The following SCN3A variants were observed in gnomAD, a reference collection of about 807,000 sequenced individuals.
The protein encoded by SCN3A is sodium channel protein type 3 subunit alpha.
A neutral mutation model predicts 187.6 loss-of-function variants in SCN3A; 60 were observed. That is an observed-to-expected ratio of 0.32 (90% CI 0.26 to 0.40). The LOEUF (loss-of-function observed/expected upper bound fraction) is 0.40. SCN3A is among the 10% of genes least tolerant of loss of function. The probability of loss-of-function intolerance (pLI) is 1.00; values close to 1 mark genes in which losing one functional copy is unlikely to be tolerated. For missense variants in SCN3A, 1,601 were observed against 2,428.2 expected (o/e 0.66, Z 7.16); for synonymous variants, 788 against 829.2 (o/e 0.95, Z 0.85).
At chr2:165,098,868 C>T (rs1574104062) in intron 22 of SCN3A, among the ~76,000 whole-genome samples, 2 of 152,258 alleles carry the variant, frequency 1.3e-5, no homozygotes, top group East Asian at 3.9e-4. Context: ...CAGTTGCTAT[C>T]TCCCCTCATA....
At chr2:165,158,190 C>T (rs1359825098) in intron 9 of SCN3A, among the ~76,000 whole-genome samples, 1 of 140,360 alleles carries the variant, frequency 7.1e-6, no homozygotes, top group Non-Finnish European at 1.5e-5. Context: ...ACAGTGGTTT[C>T]AGGATTGTTA....
At chr2:165,162,530 G>C in intron 8 of SCN3A, 26 bp downstream of exon 8, 1 of 1,613,540 alleles carries the variant, frequency 6.2e-7, no homozygotes, top group Non-Finnish European at 8.5e-7. Context: ...GCAACACTAA[G>C]GTTAACATAA....
At position 165,184,500 on chromosome 2, in the gene SCN3A, GAAA is replaced by G. The variant is rs66514310; in HGVS notation, c.-51+2048_-51+2050del. Among the ~76,000 whole-genome samples the G allele has an allele frequency of 6.2e-4, 65 of 105,606 alleles. 1 individual carries two copies. The highest frequency in any genetic ancestry group is 1.9e-3 in the African/African-American group (57 of 30,160). 69.3% of individuals were successfully genotyped at this position (105,606 alleles called of 152,430 possible). On this transcript the variant is annotated intron_variant, in intron 2 of 27. Transcript: ENST00000283254. ...CTAGTTCAGAAAAAAAAAAAAAAAA[GAAA>G]AAAAAAAAAAAGCCTAGGTACCTAA...
chr2:165,109,086 C>G (rs936423624), intron 21 of SCN3A, among the ~76,000 whole-genome samples: 25 of 152,156 alleles, frequency 1.6e-4, no homozygotes, highest in African/African-American at 4.8e-5. Context: ...GATCACCTCT[C>G]CTTTGGAAAA....
At chr2:165,182,680 G>C (rs1165906537) in intron 2 of SCN3A, among the ~76,000 whole-genome samples, 1 of 152,132 alleles carries the variant, frequency 6.6e-6, no homozygotes, top group Non-Finnish European at 1.5e-5. Flanking sequence ...ATAGAGAAAT[G>C]GAGGTTTGTA....
At chr2:165,104,816 T>A (rs548748125) in intron 21 of SCN3A, among the ~76,000 whole-genome samples, 77 of 152,274 alleles carry the variant, frequency 5.1e-4, no homozygotes, top group African/African-American at 1.8e-3. Flanking sequence ...ACACACAGAT[T>A]CTTTCTAAAC....
chr2:165,186,359 C>G (rs1183669089), intron 2 of SCN3A, among the ~76,000 whole-genome samples, 192 bp downstream of exon 2: 1 of 152,150 alleles, frequency 6.6e-6, no homozygotes, highest in African/African-American at 2.4e-5. Flanking sequence ...TGGCATCATT[C>G]CATTCCCTAA....
At chr2:165,174,801 AG>A (rs1237646606) in intron 3 of SCN3A, among the ~76,000 whole-genome samples, 1 of 152,200 alleles carries the variant, frequency 6.6e-6, no homozygotes, top group Non-Finnish European at 1.5e-5. Context: ...TATTTTTAGA[AG>A]TACATGAATG....
chr2:165,184,733 G>A (rs963932063), intron 2 of SCN3A, among the ~76,000 whole-genome samples: 3 of 151,926 alleles, frequency 2.0e-5, no homozygotes, highest in Admixed American at 6.6e-5. Context: ...TAAAACCCAC[G>A]TCTACTTTCA....
intron 1 of SCN3A, among the ~76,000 whole-genome samples, chr2:165,189,345 G>A (rs1235306965): frequency 6.6e-6 from 1 of 152,186 alleles, no homozygotes; most frequent in African/African-American, 2.4e-5. Flanking sequence ...ATTTCATTTA[G>A]AAGGTGATGA....
intron 21 of SCN3A, among the ~76,000 whole-genome samples, chr2:165,107,716 G>A (rs1267966427): frequency 6.6e-6 from 1 of 152,186 alleles, no homozygotes; most frequent in Non-Finnish European, 1.5e-5. Context: ...ATGGATCAAA[G>A]AACCCAGTGT....
At chr2:165,115,303 GCAATCCT>G in intron 19 of SCN3A, 145 bp downstream of exon 19, 1 of 791,872 alleles carries the variant, frequency 1.3e-6, no homozygotes, top group African/African-American at 1.7e-5. Flanking sequence ...CTGGGGTCAA[GCAATCCT>G]CCTACCGTAG....
At chr2:165,154,024 A>T (rs2105859390) in intron 11 of SCN3A, among the ~76,000 whole-genome samples, 1 of 139,584 alleles carries the variant, frequency 7.2e-6, no homozygotes, top group South Asian at 2.2e-4. Flanking sequence ...AGAAATCCCA[A>T]AGAATTGTTA....
Position 165,130,118 on chromosome 2 carries a change from A to T in SCN3A, c.2744T>A (p.Ile915Asn). The change falls in exon 17 of 28, where the codon ATC becomes AAC. Residue 915 changes from isoleucine to asparagine, a missense_variant. Physicochemically the swap from Ile to Asn is moderately radical, Grantham distance 149. Coordinates refer to ENST00000283254, the MANE Select transcript of SCN3A (RefSeq NM_006922.4). ...GKSYKECVCKINDDCTLPRWH... is the reference protein window; with the variant it reads ...GKSYKECVCKNNDDCTLPRWH... ...CCGTGGGAGCGTACAGTCATCATTG[A>T]TCTTGCAGACACATTCTTTGTAGCT... 6.2e-7 allele frequency: 1 copy of T among 1,614,192 alleles called. No homozygotes were observed. Among genetic ancestry groups the T allele is most frequent in the Non-Finnish European group, 8.5e-7 (1 of 1,180,028 alleles).
intron 18 of SCN3A, among the ~76,000 whole-genome samples, chr2:165,116,200 G>A (rs1383493453): frequency 2.6e-5 from 4 of 151,772 alleles, no homozygotes; most frequent in African/African-American, 9.7e-5. Flanking sequence ...TTTTTGAACT[G>A]CATAACTGAA....
Position 165,172,958 on chromosome 2 carries a change from T to G in SCN3A, c.265-2410A>C, listed in dbSNP as rs145290866. Among the ~76,000 whole-genome samples, 750 of 152,232 alleles carry G rather than the reference T, an allele frequency of 4.9e-3. 3 individuals carry two copies. The highest frequency in any genetic ancestry group is 8.4e-3 in the Non-Finnish European group (571 of 68,026). On this transcript the variant is annotated intron_variant, in intron 3 of 27. Coordinates refer to ENST00000283254, the MANE Select transcript of SCN3A (RefSeq NM_006922.4). ...TTGCAAGAATTTGAAATTATGGGGC[T>G]CTGATGATATGAAGAGATATACCTA...
At position 165,090,698 on chromosome 2, in the gene SCN3A, C is replaced by T. The variant is rs1285778476; in HGVS notation, c.5455G>A (p.Ala1819Thr). Residue 1819 changes from alanine to threonine, a missense_variant, in exon 28 of 28, where the codon GCC becomes ACC. By Grantham distance (58) the Ala-to-Thr change is moderately conservative (BLOSUM62 0). Around this residue, in one of 11 missense-constraint regions of SCN3A, gnomAD observed 110 missense variants for 175.9 expected, o/e 0.63. Coordinates refer to ENST00000283254, the MANE Select transcript of SCN3A (RefSeq NM_006922.4). The surrounding 1 kb of genome is among the most constrained non-coding windows in gnomAD (Gnocchi z 4.0). ...GCTATGAGAAGAGGAGGATCCAGGG[C>T]AGCTGCAAAATCAGAGAGTTTAGAG... is the stretch of plus-strand genomic sequence containing the variant. ...EFSKLSDFAA[A>T]LDPPLLIAKP... 6.2e-7 allele frequency: 1 copy of T among 1,613,944 alleles called. No homozygotes were observed. Among genetic ancestry groups the T allele is most frequent in the East Asian group, 2.2e-5 (1 of 44,890 alleles).
chr2:165,094,586 C>T (rs1685273295), intron 25 of SCN3A, 108 bp from the exon 26 acceptor site: 1 of 748,230 alleles, frequency 1.3e-6, no homozygotes. Context: ...GGATATTATC[C>T]TCCTACATAT....
At chr2:165,154,395 T>C (rs911346526) in intron 11 of SCN3A, 57 bp downstream of exon 11, 1 of 1,562,152 alleles carries the variant, frequency 6.4e-7, no homozygotes, top group Admixed American at 1.7e-5. Context: ...TATAACACTA[T>C]TTCTACTTAG....
Sources: allele counts gnomAD v4.1 joint callset (sites outside exome capture counted in the v4.1 genomes callset), GRCh38; gene constraint gnomAD v4.1.1; regional missense constraint gnomAD v4.1.1; non-coding constraint Gnocchi (gnomAD v3.1); transcripts MANE v1.5; gene names NCBI Gene and HGNC (gene_info 2026-07-23, HGNC 2026-07-21).